Variants in TSC22D2 observed in about 807,000 individuals in gnomAD.
The protein encoded by TSC22D2 is TSC22 domain family protein 2.
In TSC22D2, 5 loss-of-function variants were observed where a neutral mutation model predicts 50.1. The observed-to-expected ratio is 0.10, with a 90% CI of 0.05 to 0.21. The LOEUF (loss-of-function observed/expected upper bound fraction) is 0.21. Among genes scored for constraint, TSC22D2 ranks in the 10% least tolerant of loss-of-function variants. The pLI, the probability that TSC22D2 is intolerant of heterozygous loss-of-function variation, is 1.00. For synonymous variants in TSC22D2, 501 were observed against 450.1 expected (o/e 1.11, Z -1.43); for missense variants, 1,003 against 1,015.5 (o/e 0.99, Z 0.17).
intron 1 of TSC22D2, chr3:150,438,088 T>C: frequency 4.6e-6 from 1 of 216,612 alleles, no homozygotes; most frequent in Non-Finnish European, 1.0e-5. Flanking sequence ...TTTCATTTTT[T>C]AAAGTACAAA....
chr3:150,435,666 A>C (rs767529824), intron 1 of TSC22D2, among the ~76,000 whole-genome samples: 1 of 152,224 alleles, frequency 6.6e-6, no homozygotes, highest in African/African-American at 2.4e-5. Flanking sequence ...TCAAACTAAG[A>C]TAAGCACATT....
intron 1 of TSC22D2, among the ~76,000 whole-genome samples, chr3:150,421,265 A>G (rs1719997772): frequency 6.6e-6 from 1 of 152,160 alleles, no homozygotes; most frequent in African/African-American, 2.4e-5. Flanking sequence ...GAGGTCTCCA[A>G]ACAGACCTTT....
At chr3:150,420,969 G>A (rs949652715) in intron 1 of TSC22D2, among the ~76,000 whole-genome samples, 2 of 152,178 alleles carry the variant, frequency 1.3e-5, no homozygotes, top group African/African-American at 4.8e-5. Context: ...TGTAATCCCC[G>A]CTACTCGGGA....
In TSC22D2 at chr3:150,409,905, C is replaced by T. The variant is rs772893723; in HGVS notation, c.555C>T (p.Tyr185=). The change falls in exon 1 of 3, where the codon TAC becomes TAT. Residue 185 remains tyrosine, a synonymous_variant. Coordinates refer to ENST00000688009, the MANE Select transcript of TSC22D2 (RefSeq NM_001303264.2). The surrounding 1 kb of genome is among the most constrained non-coding windows in gnomAD (Gnocchi z 7.4). ...GCGGCCGATGGACGTGTATGGAATA[C>T]TATGAGAGGGATTCAGACAGCAGCG... The part of the protein sequence containing the change: ...YRRGRWTCME[Y]YERDSDSSVL... The T allele has an allele frequency of 3.7e-6, 6 of 1,613,630 alleles. No individual in the cohort carries two copies. The highest frequency in any genetic ancestry group is 1.3e-5 in the African/African-American group (1 of 74,940).
chr3:150,437,323 A>G (rs1380350772), intron 1 of TSC22D2, among the ~76,000 whole-genome samples: 1 of 152,160 alleles, frequency 6.6e-6, no homozygotes, highest in Non-Finnish European at 1.5e-5. Context: ...CCACTGCTGC[A>G]TAGGATACAT....
rs1170995798 is a variant in TSC22D2 at position 150,410,163 on chromosome 3, T to C, written c.813T>C (p.Val271=). ...CGGCCCAGCCGCAGAGTTTTAGCGT[T>C]GGGCAGCCACAGCCGCCGCCGCCAC... ...PTPAQPQSFS[V]GQPQPPPPPV... The change falls in exon 1 of 3, where the codon GTT becomes GTC. Residue 271 remains valine (V), a synonymous_variant. Transcript: ENST00000688009. The C allele has an allele frequency of 1.9e-6, 3 of 1,610,158 alleles. No homozygotes were observed. The highest frequency in any genetic ancestry group is 2.7e-5 in the African/African-American group (2 of 74,908).
chr3:150,435,098 C>T (rs1489281843), intron 1 of TSC22D2, among the ~76,000 whole-genome samples: 3 of 152,186 alleles, frequency 2.0e-5, no homozygotes, highest in Non-Finnish European at 4.4e-5. Context: ...CTACCTCAGC[C>T]TCCCGAGTAG....
chr3:150,462,681 T>G lies in TSC22D2; in HGVS notation c.*4045T>G, dbSNP rs552838539. 6.9e-6 allele frequency: 1 copy of G among 145,456 alleles called. No homozygotes were observed. The highest frequency in any genetic ancestry group is 2.0e-4 in the East Asian group (1 of 4,928). 9.0% of individuals were successfully genotyped at this position (145,456 alleles called of 1,614,324 possible). A position where few individuals can be genotyped will look rare whatever the true frequency, so the allele number is the denominator to read the frequency against. ...AGACAGAGTCTTGCTGTGCTCAGGC[T>G]GGAGTGCAGTGGCAAGATCTCGGCT... is the stretch of plus-strand genomic sequence containing the variant. On this transcript the variant is annotated 3_prime_UTR_variant, in exon 3 of 3. Transcript: ENST00000688009.
intron 1 of TSC22D2, among the ~76,000 whole-genome samples, chr3:150,441,049 A>T (rs1037566616): frequency 2.0e-5 from 3 of 148,820 alleles, no homozygotes; most frequent in East Asian, 3.9e-4. Flanking sequence ...TATATATATT[A>T]AAAAATATAT....
chr3:150,447,775 C>T (rs986849028), intron 1 of TSC22D2, among the ~76,000 whole-genome samples: 1 of 152,178 alleles, frequency 6.6e-6, no homozygotes, highest in African/African-American at 2.4e-5. Context: ...GAAATATGTT[C>T]TAATCCCTCT....
intron 1 of TSC22D2, among the ~76,000 whole-genome samples, chr3:150,448,086 G>A (rs1720938144): frequency 1.3e-5 from 2 of 152,054 alleles, no homozygotes; most frequent in Admixed American, 6.5e-5. Flanking sequence ...CCTTTCTCCT[G>A]TCCTTTCTTA....
At chr3:150,416,825 T>G (rs1011763157) in intron 1 of TSC22D2, among the ~76,000 whole-genome samples, 4 of 152,170 alleles carry the variant, frequency 2.6e-5, no homozygotes, top group Non-Finnish European at 5.9e-5. Context: ...TATTGCATGA[T>G]TTCTGCTCTT....
At chr3:150,452,378 G>C (rs1054958847) in intron 1 of TSC22D2, among the ~76,000 whole-genome samples, 5 of 151,930 alleles carry the variant, frequency 3.3e-5, no homozygotes, top group African/African-American at 1.2e-4. Flanking sequence ...CCGGGAGGAA[G>C]AAGTTGCGGT....
At chr3:150,434,258 C>T (rs1247581439) in intron 1 of TSC22D2, among the ~76,000 whole-genome samples, 8 of 150,960 alleles carry the variant, frequency 5.3e-5, no homozygotes, top group African/African-American at 1.9e-4. Context: ...AAGTGATTCT[C>T]TTGCCTCCCG....
chr3:150,450,601 G>GCAAA (rs1463780400), intron 1 of TSC22D2, among the ~76,000 whole-genome samples: 5 of 151,954 alleles, frequency 3.3e-5, no homozygotes, highest in African/African-American at 1.2e-4. Flanking sequence ...ATAGAGGTTT[G>GCAAA]CATTCAGCCA....
At chr3:150,454,601 AC>A (rs918883927) in intron 1 of TSC22D2, among the ~76,000 whole-genome samples, 3 of 152,128 alleles carry the variant, frequency 2.0e-5, no homozygotes, top group Non-Finnish European at 4.4e-5. Flanking sequence ...GAGCCCAGCA[AC>A]CTGAGTTTTA....
intron 1 of TSC22D2, among the ~76,000 whole-genome samples, chr3:150,412,453 C>T (rs527600412): frequency 2.6e-5 from 4 of 152,144 alleles, no homozygotes; most frequent in Non-Finnish European, 5.9e-5. Flanking sequence ...GCTTTCTCTT[C>T]CTATGGTTTC....
intron 1 of TSC22D2, among the ~76,000 whole-genome samples, chr3:150,414,819 G>A (rs952525081): frequency 5.9e-5 from 9 of 151,804 alleles, no homozygotes; most frequent in African/African-American, 2.2e-4. Context: ...TTGTATGAAA[G>A]TCTCACTGAA....
intron 1 of TSC22D2, among the ~76,000 whole-genome samples, chr3:150,417,123 A>G (rs1381302768): frequency 6.6e-6 from 1 of 152,152 alleles, no homozygotes; most frequent in Non-Finnish European, 1.5e-5. Context: ...AATTACTTAA[A>G]GCTTCTTTTC....
Sources: gnomAD v4.1 joint callset for allele counts (sites outside exome capture counted in the v4.1 genomes callset) on GRCh38, gnomAD v4.1.1 for gene constraint, Gnocchi (gnomAD v3.1) non-coding constraint, MANE v1.5 for transcripts, NCBI Gene and HGNC (gene_info 2026-07-23, HGNC 2026-07-21) for gene names.